ZNF33A: variants seen among roughly 807,000 people sequenced by gnomAD.
ZNF33A encodes the protein zinc finger protein 33A, also known as brain my041 protein.
ZNF33A carries 9 observed loss-of-function variants against 15.9 expected under a neutral mutation model. The ratio of observed to expected loss-of-function variants is 0.57; its 90% confidence interval spans 0.34 to 0.99. The LOEUF is 0.99. Ranked by LOEUF, ZNF33A falls within the 50% of genes least tolerant of loss-of-function variation. ZNF33A has a pLI of 0.02. For missense variants in ZNF33A, 843 were observed against 941.6 expected, an observed-to-expected ratio of 0.90 and a Z score of 1.37; for synonymous variants, 294 against 324.2, an observed-to-expected ratio of 0.91 and a Z score of 1.00.
rs2066600197 is a variant in ZNF33A, at chr10:38,059,093, TAGC to T, written c.*2537_*2539del. 1 of 152,180 alleles carries T rather than the reference TAGC, an allele frequency of 6.6e-6. No homozygotes were observed. Among genetic ancestry groups the T allele is most frequent in the Admixed American group, 6.5e-5 (1 of 15,280 alleles). The allele number at this position is 152,180 out of a possible 1,614,324, so 9.4% of individuals were successfully genotyped here. Reference sequence around the variant, plus strand: ...ATTCAGTGTAATCCATTGCATGCATTAGCAGCTCAAAGATGAAATACGATCATA... The same window carrying T: ...ATTCAGTGTAATCCATTGCATGCATTAGCTCAAAGATGAAATACGATCATA... On this transcript the variant is annotated 3_prime_UTR_variant, in exon 5 of 5. Transcript: ENST00000432900.
chr10:38,055,690 G>A lies in ZNF33A; in HGVS notation c.1566G>A (p.Trp522Ter), dbSNP rs1177873602. The part of the protein sequence containing the change: ...LTRHQIIHTG[W>*]KPYECYECGK... ...GGCATCAGATAATTCATACAGGGTG[G>A]AAACCTTATGAATGTTATGAATGTG... is the stretch of plus-strand genomic sequence containing the variant. The change falls in exon 5 of 5, where the codon TGG becomes TGA. Residue 522 changes from tryptophan to a stop codon, truncating the protein, a stop_gained. Coordinates refer to ENST00000432900, the MANE Select transcript of ZNF33A (RefSeq NM_006954.2). LOFTEE classifies it low-confidence loss of function (END_TRUNC). The A allele has an allele frequency of 3.1e-6, 5 of 1,613,776 alleles. No individual in the cohort carries two copies. Among genetic ancestry groups the A allele is most frequent in the Admixed American group, 3.3e-5 (2 of 59,978 alleles).
chr10:38,042,870 C>T (rs977632417), intron 4 of ZNF33A, among the ~76,000 whole-genome samples: 3 of 152,138 alleles, frequency 2.0e-5, no homozygotes, highest in Non-Finnish European at 4.4e-5. Flanking sequence ...TTGTTAAATA[C>T]ATTGCATTTT....
chr10:38,054,806 C>A lies in ZNF33A; in HGVS notation c.682C>A (p.Leu228Ile), dbSNP rs750579383. The change falls in exon 5 of 5, where the codon CTC becomes ATC. Residue 228 changes from leucine (L) to isoleucine (I), a missense_variant. By Grantham distance (5) the Leu-to-Ile change is conservative. Transcript: ENST00000432900. ...TGAATACAGTATATGTCAGGAAACC[C>A]TCCTTGAAAAGGCAGTATTCAATAC... ...NFEYSICQET[L>I]LEKAVFNTQK... The A allele has an allele frequency of 9.3e-6, 15 of 1,613,500 alleles. No individual in the cohort carries two copies. In the Admixed American group the frequency reaches 2.5e-4, roughly 27 times the overall value.
intron 4 of ZNF33A, among the ~76,000 whole-genome samples, chr10:38,022,389 G>C (rs748310853): frequency 6.6e-6 from 1 of 152,078 alleles, no homozygotes; most frequent in Non-Finnish European, 1.5e-5. Context: ...AGGTGTGGTG[G>C]CTCATGCCTG....
chr10:38,060,424 C>T (rs1315771084), downstream of ZNF33A, among the ~76,000 whole-genome samples: 1 of 152,170 alleles, frequency 6.6e-6, no homozygotes, highest in East Asian at 1.9e-4. Context: ...CATCCTCCCA[C>T]AGCAAACAGT....
chr10:38,046,163 G>T (rs567042135), intron 4 of ZNF33A, among the ~76,000 whole-genome samples: 2 of 152,340 alleles, frequency 1.3e-5, no homozygotes, highest in Admixed American at 1.3e-4. Context: ...AGCTGTAGGG[G>T]TTGAGGAGCA....
intron 4 of ZNF33A, among the ~76,000 whole-genome samples, chr10:38,033,885 G>A (rs1239475145): frequency 2.6e-5 from 4 of 151,740 alleles, no homozygotes; most frequent in African/African-American, 7.3e-5. Flanking sequence ...GCTAATTTTT[G>A]TATTTTTGGT....
chr10:38,054,897 A>G lies in ZNF33A; in HGVS notation c.773A>G (p.Asp258Gly). 1 of 1,613,800 alleles carries G rather than the reference A, an allele frequency of 6.2e-7. No individual in the cohort carries two copies. ...DYNEFGRTLC[D>G]SSSLLFHQIS... ...AATGAATTTGGGAGAACTTTGTGTGATAGTTCATCCCTCTTGTTCCATCAG... is the reference window on the plus strand; with the variant it reads ...AATGAATTTGGGAGAACTTTGTGTGGTAGTTCATCCCTCTTGTTCCATCAG... The change falls in exon 5 of 5, where the codon GAT becomes GGT. Residue 258 changes from aspartate (D) to glycine (G), a missense_variant. Physicochemically the swap from Asp to Gly is moderately conservative, Grantham distance 94. Transcript: ENST00000432900.
In ZNF33A at chr10:38,056,567, A is replaced by G; in HGVS notation, c.*7A>G. On this transcript the variant is annotated 3_prime_UTR_variant, in exon 5 of 5. Coordinates refer to ENST00000432900, the MANE Select transcript of ZNF33A (RefSeq NM_006954.2). ...CATCCTGAATGTTCAGTAACTATCC[A>G]CAAACTCACCTTATGTTACTCCAAA... 6.4e-7 allele frequency: 1 copy of G among 1,551,456 alleles called. No individual in the cohort carries two copies.
At position 38,058,438 on chromosome 10, in the gene ZNF33A, A is replaced by C. The variant is rs1476191284; in HGVS notation, c.*1878A>C. The stretch of plus-strand genomic sequence containing the variant: ...TCACACAAGATAGACCTCAATAGGC[A>C]TATGTATCTATTAAATAAACCAAAG... On this transcript the variant is annotated 3_prime_UTR_variant, in exon 5 of 5. Coordinates refer to ENST00000432900, the MANE Select transcript of ZNF33A (RefSeq NM_006954.2). The C allele has an allele frequency of 6.6e-6, 1 of 152,202 alleles. No individual in the cohort carries two copies. Among genetic ancestry groups the C allele is most frequent in the African/African-American group, 2.4e-5 (1 of 41,442 alleles). 9.4% of individuals were successfully genotyped at this position (152,202 alleles called of 1,614,324 possible).
At chr10:38,038,869 C>T (rs546930936) in intron 4 of ZNF33A, among the ~76,000 whole-genome samples, 8 of 152,224 alleles carry the variant, frequency 5.3e-5, no homozygotes, top group Admixed American at 6.5e-5. Context: ...TTTCTCCTTA[C>T]GTGGTGTATT....
At chr10:38,033,422 G>C (rs536372167) in intron 4 of ZNF33A, among the ~76,000 whole-genome samples, 1 of 152,082 alleles carries the variant, frequency 6.6e-6, no homozygotes, top group Non-Finnish European at 1.5e-5. Context: ...AATTGTTCAC[G>C]TATAAGTTTT....
chr10:38,062,674 C>T (rs563430320), downstream of ZNF33A, among the ~76,000 whole-genome samples: 10 of 152,288 alleles, frequency 6.6e-5, no homozygotes, highest in East Asian at 1.5e-3. Context: ...TGCCACTGCA[C>T]TCCAGCCTGG....
In ZNF33A at chr10:38,019,056, A is replaced by G. The variant is rs562952948; in HGVS notation, c.250+1670A>G. On this transcript the variant is annotated intron_variant, in intron 4 of 4. Coordinates refer to ENST00000432900, the MANE Select transcript of ZNF33A (RefSeq NM_006954.2). Reference sequence around the variant, plus strand: ...AGGTGCAGGTTTGTTACATATGTATACATGTGCCATGTTGGTGTGCTGCAC... The same window carrying G: ...AGGTGCAGGTTTGTTACATATGTATGCATGTGCCATGTTGGTGTGCTGCAC... Among the ~76,000 whole-genome samples, 573 of 151,968 alleles carry G rather than the reference A, an allele frequency of 3.8e-3. 5 individuals are homozygous for G. The highest frequency in any genetic ancestry group is 0.013 in the African/African-American group (552 of 41,430).
At chr10:38,040,408 TAAGTA>T (rs2135689377) in intron 4 of ZNF33A, among the ~76,000 whole-genome samples, 1 of 152,330 alleles carries the variant, frequency 6.6e-6, no homozygotes, top group Admixed American at 6.5e-5. Flanking sequence ...CAGTTTGCAA[TAAGTA>T]TTGTAGACTT....
chr10:38,064,457 T>C (rs1276834781), downstream of ZNF33A: 5 of 301,600 alleles, frequency 1.7e-5, no homozygotes, highest in Non-Finnish European at 6.1e-6. Flanking sequence ...GTGTCTTCTC[T>C]GGTTTTGAAA....
At chr10:38,027,776 G>A (rs1199572060) in intron 4 of ZNF33A, among the ~76,000 whole-genome samples, 2 of 152,088 alleles carry the variant, frequency 1.3e-5, no homozygotes, top group East Asian at 1.9e-4. Context: ...TTGATGGAAC[G>A]ACCCTTTATT....
At chr10:38,016,759 T>C (rs1564833591) in intron 2 of ZNF33A, 112 bp from the exon 3 acceptor site, 15 of 1,265,740 alleles carry the variant, frequency 1.2e-5, no homozygotes, top group Non-Finnish European at 1.5e-5. Context: ...ATTTCTGTTA[T>C]GATTTCTTTT....
At chr10:38,042,808 C>T (rs917403410) in intron 4 of ZNF33A, among the ~76,000 whole-genome samples, 1 of 152,214 alleles carries the variant, frequency 6.6e-6, no homozygotes, top group South Asian at 2.1e-4. Context: ...CTGCTTCAGC[C>T]TCCCAAAGTG....
Sources: allele counts gnomAD v4.1 joint callset (sites outside exome capture counted in the v4.1 genomes callset), GRCh38; gene constraint gnomAD v4.1.1; transcripts MANE v1.5; gene names NCBI Gene and HGNC (gene_info 2026-07-23, HGNC 2026-07-21).